The following STARD3NL variants were observed in gnomAD, a reference collection of about 807,000 sequenced individuals.
STARD3NL encodes the protein STARD3 N-terminal-like protein.
A neutral mutation model predicts 30.9 loss-of-function variants in STARD3NL; 17 were observed. That is an observed-to-expected ratio of 0.55 (90% CI 0.38 to 0.82). The LOEUF (loss-of-function observed/expected upper bound fraction) is 0.82, where lower values mean the gene tolerates loss of function less well. Among genes scored for constraint, STARD3NL ranks in the 40% least tolerant of loss-of-function variants. The pLI is 0.00. For synonymous variants in STARD3NL, 112 were observed against 100.5 expected (o/e 1.11, Z -0.69); for missense variants, 234 against 277.6 (o/e 0.84, Z 1.12).
At chr7:38,187,292 A>G (rs1784501566) in intron 1 of STARD3NL, among the ~76,000 whole-genome samples, 1 of 152,208 alleles carries the variant, frequency 6.6e-6, no homozygotes, top group Non-Finnish European at 1.5e-5. Context: ...CAACTTATAT[A>G]CATTGTCAAA....
rs1333776216 is a variant in STARD3NL, at chr7:38,214,403, A to G, written c.272A>G (p.Tyr91Cys). The G allele has an allele frequency of 6.2e-7, 1 of 1,606,748 alleles. No individual in the cohort carries two copies. The highest frequency in any genetic ancestry group is 1.7e-5 in the Admixed American group (1 of 59,708). ...ACATTAGAGAAGGAGGTGATGCAGT[A>G]TGACTACTATTCTTCATATTTTGAT... ...ENTLEKEVMQ[Y>C]DYYSSYFDIF... Residue 91 changes from tyrosine to cysteine, a missense_variant, in exon 3 of 9, where the codon TAT becomes TGT. Physicochemically the swap from Tyr to Cys is radical, Grantham distance 194. Transcript: ENST00000009041.
intron 1 of STARD3NL, among the ~76,000 whole-genome samples, chr7:38,204,941 A>G (rs558740969): frequency 1.7e-3 from 254 of 152,348 alleles, no homozygotes; most frequent in African/African-American, 5.6e-3. Flanking sequence ...ACCAGGAAGA[A>G]GTTGAATCTC....
At chr7:38,216,956 G>A (rs1393376970) in intron 4 of STARD3NL, 69 bp from the exon 5 acceptor site, 2 of 1,581,232 alleles carry the variant, frequency 1.3e-6, no homozygotes, top group Non-Finnish European at 8.7e-7. Context: ...CGGGTCTCTT[G>A]TGAAGAGGGA....
chr7:38,186,954 TAGA>T (rs1414196754), intron 1 of STARD3NL, among the ~76,000 whole-genome samples: 1 of 151,744 alleles, frequency 6.6e-6, no homozygotes, highest in Non-Finnish European at 1.5e-5. Flanking sequence ...TTGGAGACAA[TAGA>T]AGCTGGAGGA....
rs548813814 is a variant in STARD3NL at position 38,178,246 on chromosome 7, A to T, written c.-233A>T. 6.6e-6 allele frequency: 1 copy of T among 152,286 alleles called. No homozygotes were observed. The highest frequency in any genetic ancestry group is 1.9e-4 in the East Asian group (1 of 5,138). 9.4% of individuals were successfully genotyped at this position (152,286 alleles called of 1,614,324 possible). ...TGTGTGCGTCGACGTCAGCGTGCTG[A>T]CGTCACGGGCCGGAGGTCCCGGGGC... On this transcript the variant is annotated 5_prime_UTR_variant, in exon 1 of 9. Transcript: ENST00000009041.
intron 1 of STARD3NL, among the ~76,000 whole-genome samples, chr7:38,200,467 T>TC (rs5883640): frequency 1 from 152,090 of 152,090 alleles, 76,045 homozygotes; most frequent in Non-Finnish European, 1. Flanking sequence ...AAGCCTGAGT[T>TC]CTTAAAAACA....
rs866116028 is a variant in STARD3NL, at chr7:38,210,466, G to C, written c.225+2737G>C. Among the ~76,000 whole-genome samples, 18 of 152,206 alleles carry C rather than the reference G, an allele frequency of 1.2e-4. No homozygotes were observed. The Middle Eastern group carries it at 0.014, about 115-fold the overall frequency. ...CAGGGACCTGACTGGCACCATCCCAGCCTCAAATGCAGGGCTCGGTGAGCC... is the reference window on the plus strand; with the variant it reads ...CAGGGACCTGACTGGCACCATCCCACCCTCAAATGCAGGGCTCGGTGAGCC... On this transcript the variant is annotated intron_variant, in intron 2 of 8. Transcript: ENST00000009041.
chr7:38,202,776 A>G (rs1300759198), intron 1 of STARD3NL, among the ~76,000 whole-genome samples: 6 of 131,138 alleles, frequency 4.6e-5, no homozygotes, highest in African/African-American at 1.8e-4. Flanking sequence ...TCCTGTGTCC[A>G]AGTGTTCTCA....
intron 1 of STARD3NL, among the ~76,000 whole-genome samples, chr7:38,199,631 A>C (rs940510243): frequency 2.0e-5 from 3 of 152,190 alleles, no homozygotes; most frequent in Admixed American, 1.3e-4. Context: ...TGGAGGTTGG[A>C]ATATGGGGAG....
chr7:38,227,789 A>G (rs1786864646), intron 7 of STARD3NL, among the ~76,000 whole-genome samples: 2 of 152,074 alleles, frequency 1.3e-5, no homozygotes, highest in African/African-American at 4.8e-5. Context: ...TTGACAGTTT[A>G]GTTTCCTTCT....
At chr7:38,228,200 C>A (rs1422180831) in intron 7 of STARD3NL, among the ~76,000 whole-genome samples, 2 of 152,148 alleles carry the variant, frequency 1.3e-5, no homozygotes, top group Non-Finnish European at 2.9e-5. Context: ...AGACACTTAG[C>A]TTTCTTTTCT....
rs536113690 is a variant in STARD3NL, at chr7:38,225,026, C to A, written c.650-3773C>A. 5.2e-4 allele frequency among the ~76,000 whole-genome samples: 79 copies of A among 152,184 alleles called. No homozygotes were observed. The South Asian group carries it at 0.012, about 24-fold the overall frequency. On this transcript the variant is annotated intron_variant, in intron 7 of 8. Transcript: ENST00000009041. Reference sequence around the variant, plus strand: ...TATTCACCAATGCTTAGTATGGGGTCTTTTTGATCATATCCCGGCTAGCAG... The same window carrying A: ...TATTCACCAATGCTTAGTATGGGGTATTTTTGATCATATCCCGGCTAGCAG...
intron 7 of STARD3NL, among the ~76,000 whole-genome samples, chr7:38,221,494 G>A (rs940976134): frequency 2.0e-5 from 3 of 152,070 alleles, no homozygotes; most frequent in Non-Finnish European, 4.4e-5. Context: ...TGTAAAACTC[G>A]TATTATCCCT....
At chr7:38,204,148 A>G (rs557792105) in intron 1 of STARD3NL, among the ~76,000 whole-genome samples, 2 of 152,362 alleles carry the variant, frequency 1.3e-5, no homozygotes, top group South Asian at 2.1e-4. Flanking sequence ...ATAGACGTCT[A>G]CAGAACTCTC....
At chr7:38,205,232 C>A (rs529322591) in intron 1 of STARD3NL, among the ~76,000 whole-genome samples, 2 of 152,160 alleles carry the variant, frequency 1.3e-5, no homozygotes, top group Non-Finnish European at 2.9e-5. Flanking sequence ...ATGCAAAAAT[C>A]CTCAATAAAA....
At chr7:38,226,328 T>C (rs1240453527) in intron 7 of STARD3NL, among the ~76,000 whole-genome samples, 2 of 152,114 alleles carry the variant, frequency 1.3e-5, no homozygotes, top group Non-Finnish European at 2.9e-5. Context: ...GTGTGGCTGC[T>C]TCTGTTTTCT....
intron 4 of STARD3NL, 139 bp downstream of exon 4, chr7:38,215,244 A>G (rs572311162): frequency 3.8e-5 from 27 of 707,360 alleles, no homozygotes; most frequent in Middle Eastern, 7.7e-4. Context: ...CGTTTCCTCC[A>G]TACTTAAGTA....
At chr7:38,212,014 A>G (rs1785836255) in intron 2 of STARD3NL, among the ~76,000 whole-genome samples, 1 of 151,876 alleles carries the variant, frequency 6.6e-6, no homozygotes, top group Non-Finnish European at 1.5e-5. Flanking sequence ...TCCAGCTTCA[A>G]CCAAGCCACA....
chr7:38,222,767 G>T (rs1183643903), intron 7 of STARD3NL, among the ~76,000 whole-genome samples: 1 of 152,192 alleles, frequency 6.6e-6, no homozygotes, highest in Non-Finnish European at 1.5e-5. Context: ...CTGTGTAGCT[G>T]CTTTGTTTGA....
Sources: gnomAD v4.1 joint callset for allele counts (sites outside exome capture counted in the v4.1 genomes callset) on GRCh38, gnomAD v4.1.1 for gene constraint, MANE v1.5 for transcripts, NCBI Gene and HGNC (gene_info 2026-07-23, HGNC 2026-07-21) for gene names.